SRP54: variants seen among roughly 807,000 people sequenced by gnomAD.
SRP54 encodes the protein signal recognition particle 54.
A neutral mutation model predicts 64.8 loss-of-function variants in SRP54; 10 were observed. The observed-to-expected ratio is 0.15, with a 90% CI of 0.10 to 0.26. The LOEUF (loss-of-function observed/expected upper bound fraction) is 0.26, where lower values mean the gene tolerates loss of function less well. Ranked by LOEUF, SRP54 falls within the 10% of genes least tolerant of loss-of-function variation. The pLI, the probability that SRP54 is intolerant of heterozygous loss-of-function variation, is 1.00. For missense variants in SRP54, 325 were observed against 613.7 expected (o/e 0.53, Z 4.97); for synonymous variants, 193 against 185.6 (o/e 1.04, Z -0.32).
intron 1 of SRP54, among the ~76,000 whole-genome samples, chr14:34,989,485 T>C (rs2043952075): frequency 6.6e-6 from 1 of 152,060 alleles, no homozygotes; most frequent in South Asian, 2.1e-4. Context: ...AAAAAAGAAC[T>C]TTTTTGTAGG....
At chr14:35,019,269 T>C (rs2044488896) in intron 13 of SRP54, 195 bp downstream of exon 13, 1 of 477,376 alleles carries the variant, frequency 2.1e-6, no homozygotes, top group East Asian at 3.7e-5. Context: ...GAGAGAAATG[T>C]CTAGTATAAT....
intron 11 of SRP54, among the ~76,000 whole-genome samples, chr14:35,016,133 A>G (rs903878856): frequency 6.6e-5 from 10 of 152,148 alleles, no homozygotes; most frequent in Admixed American, 6.5e-4. Context: ...GCTGCCCTTC[A>G]ACTATGCTAG....
intron 13 of SRP54, among the ~76,000 whole-genome samples, chr14:35,020,461 C>T (rs575240071): frequency 6.6e-6 from 1 of 152,348 alleles, no homozygotes; most frequent in Admixed American, 6.5e-5. Context: ...AGTAGAACGT[C>T]TTCCAAAATT....
intron 13 of SRP54, among the ~76,000 whole-genome samples, chr14:35,021,100 G>A (rs896908823): frequency 6.6e-6 from 1 of 152,168 alleles, no homozygotes; most frequent in African/African-American, 2.4e-5. Flanking sequence ...TGGATTTGGA[G>A]GTTTTGATCG....
chr14:35,014,900 A>C, intron 11 of SRP54, 70 bp downstream of exon 11: 1 of 1,150,316 alleles, frequency 8.7e-7, no homozygotes, highest in Non-Finnish European at 1.3e-6. Context: ...AGTTACTATT[A>C]AGTTATTTGA....
chr14:34,991,109 C>CTTTTTTTTTTTTTTTTTTT (rs71435838), intron 1 of SRP54, among the ~76,000 whole-genome samples: 4 of 111,076 alleles, frequency 3.6e-5, no homozygotes, highest in Admixed American at 2.9e-4. Context: ...AATTTCTTTT[C>CTTTTTTTTTTTTTTTTTTT]TTTTTTTTTT....
chr14:34,996,598 G>A, intron 1 of SRP54, 79 bp from the exon 2 acceptor site: 1 of 764,276 alleles, frequency 1.3e-6, no homozygotes. Context: ...AGAGTAATTT[G>A]AACTTAAATA....
chr14:35,007,915 T>G (rs541234312), intron 5 of SRP54, among the ~76,000 whole-genome samples: 2 of 151,612 alleles, frequency 1.3e-5, no homozygotes, highest in Admixed American at 1.3e-4. Context: ...TAGTTTCTTA[T>G]GATTTTTTTT....
At chr14:35,004,230 C>T (rs919496768) in intron 4 of SRP54, among the ~76,000 whole-genome samples, 16 of 152,080 alleles carry the variant, frequency 1.1e-4, no homozygotes, top group African/African-American at 3.9e-4. Flanking sequence ...GCCTAGGCCA[C>T]GAGAGCGAAA....
chr14:35,006,562 G>A (rs2044261468), intron 4 of SRP54, among the ~76,000 whole-genome samples: 1 of 150,986 alleles, frequency 6.6e-6, no homozygotes, highest in Admixed American at 6.7e-5. Context: ...ATGTATTGGG[G>A]TAGATACTAA....
At chr14:35,023,111 AGACG>A (rs1318746893) in intron 14 of SRP54, 31 bp downstream of exon 14, 1 of 1,026,970 alleles carries the variant, frequency 9.7e-7, no homozygotes, top group Non-Finnish European at 1.3e-6. Flanking sequence ...ATTAGTTAAC[AGACG>A]GAAAAGAAAG....
chr14:35,022,791 A>G (rs2044555163), intron 13 of SRP54, 119 bp from the exon 14 acceptor site: 1 of 674,740 alleles, frequency 1.5e-6, no homozygotes, highest in Non-Finnish European at 2.2e-6. Flanking sequence ...GAAAAATGAG[A>G]TAGTTATCAC....
At chr14:35,007,623 TTAAAATATATTTATATTATAA>T (rs1478217219) in intron 5 of SRP54, among the ~76,000 whole-genome samples, 4 of 122,392 alleles carry the variant, frequency 3.3e-5, no homozygotes, top group African/African-American at 5.5e-5. Flanking sequence ...ATATATTTTA[TTAAAATATATTTATATTATAA>T]TAAAATATAT....
intron 1 of SRP54, among the ~76,000 whole-genome samples, chr14:34,991,109 C>CTTTTTTTTTTTTTTTTTTTTT (rs71435838): frequency 1.8e-5 from 2 of 111,082 alleles, no homozygotes; most frequent in Non-Finnish European, 3.7e-5. Context: ...AATTTCTTTT[C>CTTTTTTTTTTTTTTTTTTTTT]TTTTTTTTTT....
chr14:35,013,595 T>A, intron 9 of SRP54, 101 bp downstream of exon 9: 1 of 1,332,670 alleles, frequency 7.5e-7, no homozygotes, highest in Non-Finnish European at 1.0e-6. Context: ...GTTTCAATAG[T>A]GAGCCTAATA....
chr14:35,006,450 A>G (rs12880809), intron 4 of SRP54, among the ~76,000 whole-genome samples: 29,472 of 152,116 alleles, frequency 0.19, 3,082 homozygotes, highest in East Asian at 0.38. Context: ...TGTTTTACAT[A>G]TAAAATACAC....
At chr14:35,009,114 C>T (rs2044314444) in intron 7 of SRP54, among the ~76,000 whole-genome samples, 2 of 152,048 alleles carry the variant, frequency 1.3e-5, no homozygotes, top group African/African-American at 4.8e-5. Context: ...TCTCGAACTC[C>T]TGACCTCAGG....
At chr14:35,012,022 G>T (rs1415874725) in intron 8 of SRP54, among the ~76,000 whole-genome samples, 1 of 152,142 alleles carries the variant, frequency 6.6e-6, no homozygotes, top group South Asian at 2.1e-4. Context: ...TTCAAGATCA[G>T]CCTGGCCAAC....
Position 35,001,015 on chromosome 14 carries a change from G to T in SRP54, c.250G>T (p.Val84Leu). The T allele has an allele frequency of 6.4e-7, 1 of 1,566,402 alleles. No individual in the cohort carries two copies. Among genetic ancestry groups the T allele is most frequent in the South Asian group, 1.2e-5 (1 of 85,716 alleles). Residue 84 changes from valine (V) to leucine (L), a missense_variant, in exon 4 of 16, where the codon GTG becomes TTG. Physicochemically the swap from Val to Leu is conservative, Grantham distance 32 (BLOSUM62 1). Coordinates refer to ENST00000216774, the MANE Select transcript of SRP54 (RefSeq NM_003136.4). ...MIQHAVFKEL[V>L]KLVDPGVKAW... Reference sequence around the variant, plus strand: ...TCAGCATGCTGTATTTAAAGAACTTGTGAAGGTAAAAGTATATGAAGATTA... The same window carrying T: ...TCAGCATGCTGTATTTAAAGAACTTTTGAAGGTAAAAGTATATGAAGATTA...
Sources: allele counts gnomAD v4.1 joint callset (sites outside exome capture counted in the v4.1 genomes callset), GRCh38; gene constraint gnomAD v4.1.1; transcripts MANE v1.5; gene names NCBI Gene and HGNC (gene_info 2026-07-23, HGNC 2026-07-21).